The following GRID1 variants were observed in gnomAD, a reference collection of about 807,000 sequenced individuals.
The protein encoded by GRID1 is glutamate ionotropic receptor delta type subunit 1.
GRID1 carries 28 observed loss-of-function variants against 98.0 expected under a neutral mutation model. That is an observed-to-expected ratio of 0.29 (90% confidence interval 0.21 to 0.39). The LOEUF is 0.39. Ranked by LOEUF, GRID1 falls within the 10% of genes least tolerant of loss-of-function variation. GRID1 has a pLI of 1.00. For missense variants in GRID1, 1,111 were observed against 1,340.5 expected, an observed-to-expected ratio of 0.83 and a Z score of 2.67; for synonymous variants, 553 against 538.5, an observed-to-expected ratio of 1.03 and a Z score of -0.37.
intron 4 of GRID1, among the ~76,000 whole-genome samples, chr10:86,041,311 A>G (rs1014387009): frequency 1.3e-5 from 2 of 152,208 alleles, no homozygotes; most frequent in Non-Finnish European, 2.9e-5. Flanking sequence ...AAACACCACA[A>G]CAACAGAGCA....
At chr10:86,005,811 A>C (rs531020605) in intron 4 of GRID1, among the ~76,000 whole-genome samples, 13 of 152,360 alleles carry the variant, frequency 8.5e-5, no homozygotes, top group South Asian at 4.1e-4. Context: ...GACAGCAGGC[A>C]AGAGAACTAT....
At chr10:85,710,130 A>G (rs1841566223) in intron 12 of GRID1, among the ~76,000 whole-genome samples, 1 of 152,170 alleles carries the variant, frequency 6.6e-6, no homozygotes, top group South Asian at 2.1e-4. Context: ...AAAAACTAAA[A>G]TTGGTACAAG....
intron 8 of GRID1, among the ~76,000 whole-genome samples, chr10:85,828,360 C>A (rs1481660485): frequency 6.6e-6 from 1 of 151,786 alleles, no homozygotes; most frequent in South Asian, 2.1e-4. Flanking sequence ...AATGAACAAC[C>A]TAACATCATA....
At chr10:85,760,218 T>G (rs778074997) in intron 8 of GRID1, among the ~76,000 whole-genome samples, 6 of 152,240 alleles carry the variant, frequency 3.9e-5, no homozygotes, top group Non-Finnish European at 8.8e-5. Flanking sequence ...ACATGAAAAG[T>G]GCTGACCATC....
At chr10:86,163,929 C>T (rs1407722528) in intron 3 of GRID1, among the ~76,000 whole-genome samples, 2 of 152,182 alleles carry the variant, frequency 1.3e-5, no homozygotes, top group African/African-American at 4.8e-5. Flanking sequence ...CACCCATCTG[C>T]TTACATCACC....
chr10:86,255,889 G>A (rs1460395529), intron 2 of GRID1, among the ~76,000 whole-genome samples: 1 of 152,106 alleles, frequency 6.6e-6, no homozygotes, highest in East Asian at 1.9e-4. Flanking sequence ...AACACAGTCT[G>A]CCCTGTCTTC....
Position 85,724,374 on chromosome 10 carries a change from G to A in GRID1, c.1836C>T (p.Val612=), listed in dbSNP as rs1436525481. The A allele has an allele frequency of 3.7e-6, 6 of 1,613,904 alleles. No individual in the cohort carries two copies. In the African/African-American group the frequency reaches 6.7e-5, roughly 18 times the overall value. The change falls in exon 11 of 16, where the codon GTC becomes GTT. Residue 612 remains valine (V), a synonymous_variant. Coordinates refer to ENST00000327946, the MANE Select transcript of GRID1 (RefSeq NM_017551.3). ...TACCTTGCTGTACGAAGGCTCCATA[G>A]ACAATCCAGATGGCGCTGTGCAGAG... ...SATLHSAIWI[V]YGAFVQQGGE...
intron 4 of GRID1, among the ~76,000 whole-genome samples, chr10:86,011,959 AC>A (rs1458222945): frequency 6.6e-6 from 1 of 152,142 alleles, no homozygotes; most frequent in Non-Finnish European, 1.5e-5. Flanking sequence ...GGAGCTCAAG[AC>A]CAGCCTGGCC....
intron 2 of GRID1, among the ~76,000 whole-genome samples, chr10:86,280,191 T>C (rs2132067345): frequency 6.6e-6 from 1 of 152,278 alleles, no homozygotes; most frequent in East Asian, 1.9e-4. Context: ...CTAGACCCTG[T>C]CTCTAAAAAT....
chr10:85,834,349 A>T (rs1842894809), intron 8 of GRID1, among the ~76,000 whole-genome samples: 1 of 152,226 alleles, frequency 6.6e-6, no homozygotes, highest in South Asian at 2.1e-4. Flanking sequence ...AGAACTCTCA[A>T]CCATAAATTC....
At chr10:85,694,592 ATATATATAT>A (rs1564562164) in intron 12 of GRID1, among the ~76,000 whole-genome samples, 2 of 108,284 alleles carry the variant, frequency 1.8e-5, no homozygotes, top group East Asian at 6.0e-4. Context: ...ATATATATAT[ATATATATAT>A]AATGGAATAT....
chr10:86,171,158 A>G lies in GRID1; in HGVS notation c.521-32134T>C, dbSNP rs143812043. Among the ~76,000 whole-genome samples the G allele has an allele frequency of 3.3e-3, 499 of 152,330 alleles. 4 individuals carry two copies. Among genetic ancestry groups the G allele is most frequent in the African/African-American group, 0.011 (469 of 41,574 alleles). ...TTTCGAAACTTCCCAAGGGATCCCA[A>G]GGTGCAGCCACTATGAAAAGCATGC... On this transcript the variant is annotated intron_variant, in intron 3 of 15. Transcript: ENST00000327946.
At chr10:85,943,822 A>C (rs1842023333) in intron 4 of GRID1, among the ~76,000 whole-genome samples, 2 of 152,258 alleles carry the variant, frequency 1.3e-5, no homozygotes, top group Admixed American at 1.3e-4. Flanking sequence ...GATAGATCGC[A>C]AACAATGGCC....
intron 5 of GRID1, 88 bp from the exon 6 acceptor site, chr10:85,869,268 T>C (rs1039246001): frequency 1.7e-6 from 2 of 1,176,904 alleles, no homozygotes; most frequent in African/African-American, 1.5e-5. Context: ...GCCAGCAGCC[T>C]GAAAAGCTGA....
rs1319896805 is a variant in GRID1, at chr10:85,815,319, C to T, written c.1233+39177G>A. Among the ~76,000 whole-genome samples the T allele has an allele frequency of 2.0e-5, 3 of 151,910 alleles. No homozygotes were observed. The East Asian group carries it at 5.8e-4, about 29-fold the overall frequency. ...AATGAAAGACACTGAATGCTTTCTC[C>T]CTAAGAGTGGGAACGAGGAAGGAAT... On this transcript the variant is annotated intron_variant, in intron 8 of 15. Transcript: ENST00000327946.
chr10:85,865,996 G>C, intron 6 of GRID1, among the ~76,000 whole-genome samples: 1 of 78,644 alleles, frequency 1.3e-5, no homozygotes, highest in African/African-American at 4.7e-5. Flanking sequence ...GAGAGAGAGA[G>C]AGGCATCTAG....
chr10:85,891,315 C>A (rs1012193351), intron 5 of GRID1, among the ~76,000 whole-genome samples: 4 of 152,042 alleles, frequency 2.6e-5, no homozygotes, highest in African/African-American at 4.8e-5. Flanking sequence ...TGGCCCAGAG[C>A]CCTTAAGTGT....
chr10:85,647,109 A>T, intron 13 of GRID1, 93 bp downstream of exon 13: 1 of 949,002 alleles, frequency 1.1e-6, no homozygotes, highest in Non-Finnish European at 1.7e-6. Context: ...GGCTGCTCAG[A>T]GGCAGATGCC....
rs80053678 is a variant in GRID1, at chr10:85,682,586, C to A, written c.1998-35189G>T. On this transcript the variant is annotated intron_variant, in intron 12 of 15. Transcript: ENST00000327946. ...CTTGCAGATCACAAAAAATTGCCAA[C>A]TCACTTTGCCACTCTCTCCACCTCC... 3.9e-3 allele frequency among the ~76,000 whole-genome samples: 588 copies of A among 152,370 alleles called. 2 individuals are homozygous for A. The highest frequency in any genetic ancestry group is 4.5e-3 in the Non-Finnish European group (303 of 68,034).
Sources: allele counts gnomAD v4.1 joint callset (sites outside exome capture counted in the v4.1 genomes callset), GRCh38; gene constraint gnomAD v4.1.1; transcripts MANE v1.5; gene names NCBI Gene and HGNC (gene_info 2026-07-23, HGNC 2026-07-21).